Variants in SHISA6 observed in about 807,000 individuals in gnomAD.
The protein encoded by SHISA6 is shisa family member 6, also known as protein shisa-6.
In SHISA6, 22 loss-of-function variants were observed where a neutral mutation model predicts 47.9. That is an observed-to-expected ratio of 0.46 (90% CI 0.33 to 0.66). The LOEUF (loss-of-function observed/expected upper bound fraction) is 0.66, where lower values mean the gene tolerates loss of function less well. Among genes scored for constraint, SHISA6 ranks in the 30% least tolerant of loss-of-function variants. The pLI, the probability that SHISA6 is intolerant of heterozygous loss-of-function variation, is 0.02. For missense variants in SHISA6, 680 were observed against 764.6 expected, an observed-to-expected ratio of 0.89 and a Z score of 1.30; for synonymous variants, 388 against 337.8, an observed-to-expected ratio of 1.15 and a Z score of -1.63.
chr17:11,375,291 C>T (rs532259094), intron 2 of SHISA6, among the ~76,000 whole-genome samples: 78 of 152,246 alleles, frequency 5.1e-4, no homozygotes, highest in Non-Finnish European at 1.0e-3. Context: ...GATATGACTC[C>T]TGAAGTTGTC....
At chr17:11,429,218 G>A (rs1914684970) in intron 3 of SHISA6, among the ~76,000 whole-genome samples, 1 of 152,106 alleles carries the variant, frequency 6.6e-6, no homozygotes, top group Admixed American at 6.6e-5. Flanking sequence ...TGCCACATGG[G>A]CCCCTCCAAC....
chr17:11,332,244 A>G (rs202157958), intron 2 of SHISA6, among the ~76,000 whole-genome samples: 74 of 888 alleles, frequency 0.083, 1 homozygote, highest in South Asian at 0.17. Context: ...AGCGTTGGGG[A>G]AAAAAAAAAA....
At chr17:11,366,713 C>T (rs914855419) in intron 2 of SHISA6, among the ~76,000 whole-genome samples, 4 of 151,922 alleles carry the variant, frequency 2.6e-5, no homozygotes, top group African/African-American at 9.7e-5. Context: ...TCCTGATGGG[C>T]CTTGCTGATG....
rs139057995 is a variant in SHISA6 at position 11,428,726 on chromosome 17, C to T, written c.895+49217C>T. 6.9e-3 allele frequency among the ~76,000 whole-genome samples: 1,043 copies of T among 151,354 alleles called. 20 individuals carry two copies. The highest frequency in any genetic ancestry group is 0.024 in the African/African-American group (976 of 41,188). On this transcript the variant is annotated intron_variant, in intron 3 of 5. Transcript: ENST00000441885. ...GGTTTCCCACAGGGCTGCAATCACA[C>T]AGTTGCTGGGGCTACAGTCTTCTGA...
intron 2 of SHISA6, chr17:11,289,479 AC>A (rs1381769271): frequency 6.6e-6 from 1 of 151,142 alleles, no homozygotes; most frequent in East Asian, 1.9e-4. Context: ...CTCCCTTACC[AC>A]CCCTTCCCCA....
intron 2 of SHISA6, among the ~76,000 whole-genome samples, chr17:11,366,227 A>C (rs1912446400): frequency 6.6e-6 from 1 of 152,174 alleles, no homozygotes; most frequent in African/African-American, 2.4e-5. Flanking sequence ...GGCTCACTGC[A>C]ACCTCCACCT....
chr17:11,274,887 G>A (rs1040135772), intron 2 of SHISA6, among the ~76,000 whole-genome samples: 1 of 152,166 alleles, frequency 6.6e-6, no homozygotes, highest in Non-Finnish European at 1.5e-5. Context: ...CCAAGTGCTT[G>A]AAGGGCAGGT....
intron 3 of SHISA6, among the ~76,000 whole-genome samples, chr17:11,432,272 C>G (rs1914800885): frequency 6.6e-6 from 1 of 152,164 alleles, no homozygotes; most frequent in Non-Finnish European, 1.5e-5. Context: ...TTTTCTCTTG[C>G]AACTCTCAGT....
intron 3 of SHISA6, among the ~76,000 whole-genome samples, chr17:11,448,486 C>G (rs1009888618): frequency 6.6e-6 from 1 of 151,914 alleles, no homozygotes; most frequent in Non-Finnish European, 1.5e-5. Context: ...CAGCTGTGAT[C>G]ACACCACTGC....
intron 2 of SHISA6, among the ~76,000 whole-genome samples, chr17:11,300,913 T>G (rs1393823099): frequency 6.9e-6 from 1 of 144,800 alleles, no homozygotes; most frequent in African/African-American, 2.5e-5. Flanking sequence ...ATACTGTAAT[T>G]GTTCAGCCCT....
chr17:11,283,624 T>A (rs1005270002), intron 2 of SHISA6, among the ~76,000 whole-genome samples: 1 of 152,244 alleles, frequency 6.6e-6, no homozygotes, highest in Non-Finnish European at 1.5e-5. Flanking sequence ...AGCTTATATA[T>A]AACCCTAGCA....
intron 2 of SHISA6, among the ~76,000 whole-genome samples, chr17:11,375,229 T>C (rs1912761099): frequency 1.3e-5 from 2 of 152,246 alleles, no homozygotes; most frequent in Admixed American, 6.5e-5. Flanking sequence ...CTTGTAATTA[T>C]TGCTTCTGAA....
rs75721657 is a variant in SHISA6, at chr17:11,301,764, A to C, written c.799+38238A>C. Among the ~76,000 whole-genome samples the C allele has an allele frequency of 9.3e-3, 1,411 of 152,260 alleles. 24 individuals are homozygous for C. The highest frequency in any genetic ancestry group is 0.032 in the African/African-American group (1,318 of 41,540). On this transcript the variant is annotated intron_variant, in intron 2 of 5. Transcript: ENST00000441885. Reference sequence around the variant, plus strand: ...ATGGGAATGCAGGTGTGACTCCTTCAAGGAGAGATTTCTCATAAGGGGAAA... The same window carrying C: ...ATGGGAATGCAGGTGTGACTCCTTCCAGGAGAGATTTCTCATAAGGGGAAA...
intron 2 of SHISA6, among the ~76,000 whole-genome samples, chr17:11,296,093 G>A (rs763760845): frequency 3.9e-5 from 6 of 152,102 alleles, no homozygotes; most frequent in African/African-American, 7.2e-5. Flanking sequence ...TGACTCCTGC[G>A]TAGTGGAAGA....
intron 2 of SHISA6, among the ~76,000 whole-genome samples, chr17:11,310,658 A>G (rs1910292443): frequency 6.6e-6 from 1 of 152,166 alleles, no homozygotes; most frequent in Non-Finnish European, 1.5e-5. Context: ...AGGAACAGAC[A>G]AGATCATATT....
intron 1 of SHISA6, among the ~76,000 whole-genome samples, chr17:11,242,529 A>T (rs757615262): frequency 2.0e-5 from 3 of 152,202 alleles, no homozygotes; most frequent in Non-Finnish European, 4.4e-5. Context: ...GTTCTCGTAC[A>T]TTAGGAATTG....
At position 11,535,738 on chromosome 17, in the gene SHISA6, T is replaced by TA. The variant is rs2071780770; in HGVS notation, c.896-16157dup. On this transcript the variant is annotated intron_variant, in intron 3 of 5. Coordinates refer to ENST00000441885, the MANE Select transcript of SHISA6 (RefSeq NM_207386.4). ...GAATTTGAATTCAGGTTCAGCTACT[T>TA]ATTTTTTGCGTGACCTCCTTGGGCA... Among the ~76,000 whole-genome samples the TA allele has an allele frequency of 3.3e-5, 5 of 152,328 alleles. No homozygotes were observed. The South Asian group carries it at 1.0e-3, about 32-fold the overall frequency.
intron 3 of SHISA6, among the ~76,000 whole-genome samples, chr17:11,381,479 G>A (rs919007370): frequency 6.6e-6 from 1 of 152,174 alleles, no homozygotes; most frequent in Non-Finnish European, 1.5e-5. Context: ...AGGCAGCAGG[G>A]AGTGCAGTGG....
At chr17:11,509,658 C>T (rs1183617062) in intron 3 of SHISA6, among the ~76,000 whole-genome samples, 1 of 152,174 alleles carries the variant, frequency 6.6e-6, no homozygotes, top group Non-Finnish European at 1.5e-5. Flanking sequence ...GCCTATAAGA[C>T]AGACTAGAGC....
Sources: gnomAD v4.1 joint callset for allele counts (sites outside exome capture counted in the v4.1 genomes callset) on GRCh38, gnomAD v4.1.1 for gene constraint, MANE v1.5 for transcripts, NCBI Gene and HGNC (gene_info 2026-07-23, HGNC 2026-07-21) for gene names.